Variants in AGMO observed in about 807,000 individuals in gnomAD.
AGMO encodes alkylglycerol monooxygenase, also known as glyceryl-ether monooxygenase.
AGMO carries 75 observed loss-of-function variants against 60.2 expected under a neutral mutation model. That is an observed-to-expected ratio of 1.25 (90% CI 1.03 to 1.51). The LOEUF (loss-of-function observed/expected upper bound fraction) is 1.51. Ranked by LOEUF, AGMO falls within the 40% of genes most tolerant of loss-of-function variation. AGMO has a pLI of 0.00. For missense variants in AGMO, 763 were observed against 525.5 expected (o/e 1.45, Z -4.42); for synonymous variants, 261 against 177.1 (o/e 1.47, Z -3.76).
the AGMO span, among the ~76,000 whole-genome samples, chr7:15,183,324 A>G: frequency 1.3e-5 from 2 of 152,196 alleles, no homozygotes; most frequent in Non-Finnish European, 2.9e-5. Flanking sequence ...ACCATGCCCC[A>G]TCCTTTCTGC....
At chr7:15,138,052 C>T in the AGMO span, among the ~76,000 whole-genome samples, 354 of 152,226 alleles carry the variant, frequency 2.3e-3, 2 homozygotes, top group African/African-American at 8.1e-3. Flanking sequence ...TGATACTGTA[C>T]ACCAACTTCA....
chr7:15,288,091 T>C (rs1784150748), intron 12 of AGMO, among the ~76,000 whole-genome samples: 1 of 152,076 alleles, frequency 6.6e-6, no homozygotes, highest in African/African-American at 2.4e-5. Flanking sequence ...TGGCACAGTC[T>C]CGGCTCGCCG....
intron 12 of AGMO, among the ~76,000 whole-genome samples, chr7:15,351,119 G>A (rs1190673805): frequency 1.3e-5 from 2 of 152,080 alleles, no homozygotes; most frequent in African/African-American, 4.8e-5. Flanking sequence ...TTGATAAGAA[G>A]GTTGAATTTA....
Position 15,329,816 on chromosome 7 carries a change from G to C in AGMO, c.1263+35698C>G, listed in dbSNP as rs187725860. 3.5e-3 allele frequency among the ~76,000 whole-genome samples: 529 copies of C among 152,240 alleles called. 2 individuals are homozygous for C. The highest frequency in any genetic ancestry group is 0.012 in the African/African-American group (487 of 41,552). On this transcript the variant is annotated intron_variant, in intron 12 of 12. Coordinates refer to ENST00000342526, the MANE Select transcript of AGMO (RefSeq NM_001004320.2). ...CTCTCTGGGAATTCAGATGCTATTT[G>C]CTGAAGTGGGTAAGGAAGCTTCATA...
chr7:15,389,900 T>C (rs1784066316), intron 8 of AGMO, among the ~76,000 whole-genome samples: 1 of 152,180 alleles, frequency 6.6e-6, no homozygotes, highest in Admixed American at 6.5e-5. Flanking sequence ...CAACTTTCAG[T>C]GAAACTCGAA....
At chr7:15,500,924 T>TC (rs984896463) in intron 3 of AGMO, among the ~76,000 whole-genome samples, 4 of 151,456 alleles carry the variant, frequency 2.6e-5, no homozygotes, top group African/African-American at 9.7e-5. Flanking sequence ...TGTCTTGATT[T>TC]TTGTCCCCTT....
chr7:15,541,779 C>G (rs1784637398), intron 3 of AGMO, among the ~76,000 whole-genome samples: 1 of 152,036 alleles, frequency 6.6e-6, no homozygotes, highest in African/African-American at 2.4e-5. Flanking sequence ...ATTTGGAATC[C>G]TAAGGAAGCA....
rs967515084 is a variant in AGMO at position 15,241,335 on chromosome 7, C to G, written c.1264-39976G>C. Among the ~76,000 whole-genome samples, 5 of 151,174 alleles carry G rather than the reference C, an allele frequency of 3.3e-5. No individual in the cohort carries two copies. In the East Asian group the frequency reaches 9.8e-4, roughly 30 times the overall value. The stretch of plus-strand genomic sequence containing the variant: ...ATTAGCCGGGCGTGGTGGTGGGCGC[C>G]TGTAATCCCAGCTACTCGGGAGGCT... On this transcript the variant is annotated intron_variant, in intron 12 of 12. Transcript: ENST00000342526.
rs1308150105 is a variant in AGMO, at chr7:15,561,984, A to G, written c.-139T>C. The G allele has an allele frequency of 1.2e-6, 1 of 800,822 alleles. No homozygotes were observed. The highest frequency in any genetic ancestry group is 1.8e-5 in the African/African-American group (1 of 56,872). The allele number at this position is 800,822 out of a possible 1,614,324, so 49.6% of individuals were successfully genotyped here. A position where few individuals can be genotyped will look rare whatever the true frequency, so the allele number is the denominator to read the frequency against. ...CAGCTAAAACCAAAGCTCCACTGAG[A>G]GCACACTCAACAGCCGATTCTGTGT... is the stretch of plus-strand genomic sequence containing the variant. On this transcript the variant is annotated 5_prime_UTR_variant, in exon 1 of 13. Transcript: ENST00000342526.
In AGMO at chr7:15,530,305, C is replaced by CTA. The variant is rs1246144431; in HGVS notation, c.409+14466_409+14467insTA. Among the ~76,000 whole-genome samples the CTA allele has an allele frequency of 1.6e-3, 59 of 37,320 alleles. 21 individuals carry two copies. In the East Asian group the frequency reaches 0.055, roughly 35 times the overall value. 24.5% of individuals were successfully genotyped at this position (37,320 alleles called of 152,430 possible). On this transcript the variant is annotated intron_variant, in intron 3 of 12. Transcript: ENST00000342526. ...CCATATATATTCTATATACGTATTT[C>CTA]CATATATATTCTATATACGTATTTC...
At chr7:15,268,739 G>A (rs1453469331) in intron 12 of AGMO, among the ~76,000 whole-genome samples, 1 of 151,926 alleles carries the variant, frequency 6.6e-6, no homozygotes, top group African/African-American at 2.4e-5. Context: ...GATCTGCAAA[G>A]GTGGGGGAAT....
intron 12 of AGMO, among the ~76,000 whole-genome samples, chr7:15,299,875 ACACACACACACAGT>A (rs1206406852): frequency 7.1e-6 from 1 of 139,952 alleles, no homozygotes; most frequent in African/African-American, 3.0e-5. Flanking sequence ...ACACACACAC[ACACACACACACAGT>A]ATGTTTTGTG....
At chr7:15,392,406 T>C (rs146384817) in intron 6 of AGMO, among the ~76,000 whole-genome samples, 2 of 152,158 alleles carry the variant, frequency 1.3e-5, no homozygotes, top group African/African-American at 2.4e-5. Context: ...TGCAAGTGTA[T>C]AATCCCCTTG....
chr7:15,468,835 T>C (rs1254033973), intron 3 of AGMO, among the ~76,000 whole-genome samples: 1 of 152,138 alleles, frequency 6.6e-6, no homozygotes, highest in Non-Finnish European at 1.5e-5. Flanking sequence ...GATGATTTTA[T>C]GATTCAAATT....
chr7:15,123,407 A>AG, the AGMO span, among the ~76,000 whole-genome samples: 1 of 152,024 alleles, frequency 6.6e-6, no homozygotes, highest in Non-Finnish European at 1.5e-5. Flanking sequence ...ATGTATCCTA[A>AG]GTGCCTAGTG....
At chr7:15,229,295 T>C (rs1782182259) in intron 12 of AGMO, among the ~76,000 whole-genome samples, 1 of 152,042 alleles carries the variant, frequency 6.6e-6, no homozygotes, top group Non-Finnish European at 1.5e-5. Context: ...ATGGCACATG[T>C]TCAATTTATG....
At chr7:15,192,666 C>G in the AGMO span, among the ~76,000 whole-genome samples, 2 of 152,110 alleles carry the variant, frequency 1.3e-5, no homozygotes, top group African/African-American at 4.8e-5. Context: ...CTTAGCCATC[C>G]CTAGACAGCA....
chr7:15,126,826 A>G, the AGMO span, among the ~76,000 whole-genome samples: 1 of 152,104 alleles, frequency 6.6e-6, no homozygotes, highest in Non-Finnish European at 1.5e-5. Context: ...TTCAGATCCA[A>G]GGAATAATCA....
the AGMO span, among the ~76,000 whole-genome samples, chr7:15,189,136 G>C: frequency 6.6e-6 from 1 of 152,088 alleles, no homozygotes; most frequent in African/African-American, 2.4e-5. Flanking sequence ...TCAGAATTAT[G>C]AGAAGAGGGG....
Sources: gnomAD v4.1 joint callset for allele counts (sites outside exome capture counted in the v4.1 genomes callset) on GRCh38, gnomAD v4.1.1 for gene constraint, MANE v1.5 for transcripts, NCBI Gene and HGNC (gene_info 2026-07-23, HGNC 2026-07-21) for gene names.